The following CCDC171 variants were observed in gnomAD, a reference collection of about 807,000 sequenced individuals.
The protein encoded by CCDC171 is coiled-coil domain containing 171.
A neutral mutation model predicts 168.2 loss-of-function variants in CCDC171; 177 were observed. The ratio of observed to expected loss-of-function variants is 1.05; its 90% confidence interval spans 0.93 to 1.19. The LOEUF (loss-of-function observed/expected upper bound fraction) is 1.19, where lower values mean the gene tolerates loss of function less well. Among genes scored for constraint, CCDC171 ranks in the 50% most tolerant of loss-of-function variants. The probability of loss-of-function intolerance (pLI) is 0.00; values close to 1 mark genes in which losing one functional copy is unlikely to be tolerated. For synonymous variants in CCDC171, 687 were observed against 540.8 expected (o/e 1.27, Z -3.75); for missense variants, 1,991 against 1,539.0 (o/e 1.29, Z -4.91).
At chr9:16,004,394 C>T (rs1832640821) in intron 3 of CCDC171, among the ~76,000 whole-genome samples, 1 of 152,098 alleles carries the variant, frequency 6.6e-6, no homozygotes, top group East Asian at 1.9e-4. Flanking sequence ...AAAATTCAGT[C>T]CAGTAAAGGA....
chr9:15,592,301 C>T (rs541830165), intron 5 of CCDC171, among the ~76,000 whole-genome samples: 24 of 151,798 alleles, frequency 1.6e-4, no homozygotes, highest in Non-Finnish European at 3.1e-4. Context: ...TGAATAGCCA[C>T]TGTACTCCAG....
chr9:15,877,698 C>T (rs1208114144), intron 24 of CCDC171, among the ~76,000 whole-genome samples: 1 of 151,962 alleles, frequency 6.6e-6, no homozygotes, highest in Non-Finnish European at 1.5e-5. Context: ...CCTATTAGAC[C>T]AATTAGCTTT....
At chr9:15,837,406 T>A (rs1005274149) in intron 21 of CCDC171, among the ~76,000 whole-genome samples, 56 of 152,360 alleles carry the variant, frequency 3.7e-4, no homozygotes, top group African/African-American at 1.3e-3. Flanking sequence ...ATGGTACTAT[T>A]TACTGAGTAT....
chr9:15,635,429 C>T (rs1247180964), intron 7 of CCDC171, among the ~76,000 whole-genome samples: 2 of 152,060 alleles, frequency 1.3e-5, no homozygotes, highest in African/African-American at 2.4e-5. Flanking sequence ...AATTGAAGAA[C>T]TTGGAGTCTG....
chr9:15,841,813 C>G (rs1275613391), intron 21 of CCDC171, among the ~76,000 whole-genome samples: 1 of 151,716 alleles, frequency 6.6e-6, no homozygotes, highest in Non-Finnish European at 1.5e-5. Flanking sequence ...TTACCCGGCC[C>G]TATTGTAAAT....
intron 21 of CCDC171, among the ~76,000 whole-genome samples, chr9:15,835,611 G>A (rs2060409839): frequency 6.6e-6 from 1 of 152,076 alleles, no homozygotes; most frequent in South Asian, 2.1e-4. Flanking sequence ...ATTTTTAGTA[G>A]AGACAGGGTT....
At chr9:15,837,618 C>G (rs2060506699) in intron 21 of CCDC171, among the ~76,000 whole-genome samples, 1 of 152,176 alleles carries the variant, frequency 6.6e-6, no homozygotes, top group Admixed American at 6.5e-5. Flanking sequence ...ATCCCTCTGC[C>G]TTGTCCCAAC....
At chr9:15,648,341 C>A (rs1052983489) in intron 7 of CCDC171, among the ~76,000 whole-genome samples, 3 of 152,054 alleles carry the variant, frequency 2.0e-5, no homozygotes, top group African/African-American at 4.8e-5. Context: ...CTGGCACAAT[C>A]CAGGGATGCC....
chr9:15,819,720 G>T (rs1483268156), intron 21 of CCDC171, among the ~76,000 whole-genome samples: 2 of 116,982 alleles, frequency 1.7e-5, no homozygotes, highest in Admixed American at 8.0e-5. Flanking sequence ...AAGAGACTTA[G>T]ACTCCCACAC....
At chr9:16,054,258 A>G (rs966416892) in intron 1 of CCDC171, among the ~76,000 whole-genome samples, 2 of 152,132 alleles carry the variant, frequency 1.3e-5, no homozygotes, top group Non-Finnish European at 2.9e-5. Context: ...CCCTCAAGGA[A>G]CCCTCTAATT....
At chr9:15,978,900 C>G (rs990180626), downstream of CCDC171, among the ~76,000 whole-genome samples, 1 of 152,124 alleles carries the variant, frequency 6.6e-6, no homozygotes, top group Non-Finnish European at 1.5e-5. Flanking sequence ...TTTCCATTCC[C>G]CAATCCTCTA....
At chr9:15,755,236 C>T (rs140841320) in intron 18 of CCDC171, among the ~76,000 whole-genome samples, 83 of 152,228 alleles carry the variant, frequency 5.5e-4, no homozygotes, top group African/African-American at 1.9e-3. Context: ...TAGTTTTAAG[C>T]TGGCTACTCT....
At chr9:15,980,850 G>A (rs556984443) in intron 3 of CCDC171, among the ~76,000 whole-genome samples, 35 of 128,004 alleles carry the variant, frequency 2.7e-4, no homozygotes, top group Admixed American at 1.9e-3. Context: ...GTATTAGTCC[G>A]TTTTCATACT....
chr9:15,950,754 A>G lies in CCDC171; in HGVS notation c.3754-20855A>G, dbSNP rs537665966. Among the ~76,000 whole-genome samples, 436 of 152,158 alleles carry G rather than the reference A, an allele frequency of 2.9e-3. 3 individuals carry two copies. The highest frequency in any genetic ancestry group is 9.8e-3 in the African/African-American group (408 of 41,514). On this transcript the variant is annotated intron_variant, in intron 25 of 25. Coordinates refer to ENST00000380701, the MANE Select transcript of CCDC171 (RefSeq NM_173550.4). ...AACCAGCTAACATCATAATGACAGG[A>G]TCAAATTCACACATAACAATATTAA...
chr9:16,016,970 C>G (rs140087971), intron 3 of CCDC171, among the ~76,000 whole-genome samples: 1 of 152,054 alleles, frequency 6.6e-6, no homozygotes, highest in Non-Finnish European at 1.5e-5. Flanking sequence ...CCAGTAAGAT[C>G]GTAAAAATCA....
chr9:15,754,938 T>C (rs2056007167), intron 18 of CCDC171, among the ~76,000 whole-genome samples: 2 of 152,152 alleles, frequency 1.3e-5, no homozygotes, highest in Non-Finnish European at 2.9e-5. Context: ...TGGTTGATCT[T>C]AGAATTTCAA....
intron 6 of CCDC171, among the ~76,000 whole-genome samples, chr9:16,026,575 G>A (rs1833278983): frequency 6.6e-6 from 1 of 152,088 alleles, no homozygotes. Context: ...TGTGAATTTT[G>A]CTCATCAGTT....
At chr9:15,816,768 T>C (rs2059575491) in intron 21 of CCDC171, among the ~76,000 whole-genome samples, 1 of 119,134 alleles carries the variant, frequency 8.4e-6, no homozygotes, top group Non-Finnish European at 1.9e-5. Flanking sequence ...GAATTGCTAT[T>C]AAGCAGTTAT....
chr9:15,599,115 G>C (rs536638201), intron 6 of CCDC171, among the ~76,000 whole-genome samples: 2 of 152,148 alleles, frequency 1.3e-5, no homozygotes, highest in African/African-American at 2.4e-5. Context: ...TTGCCAGTGT[G>C]TGTCTTTTAA....
Sources: gnomAD v4.1 joint callset for allele counts (sites outside exome capture counted in the v4.1 genomes callset) on GRCh38, gnomAD v4.1.1 for gene constraint, MANE v1.5 for transcripts, NCBI Gene and HGNC (gene_info 2026-07-23, HGNC 2026-07-21) for gene names.